TUBG1: variants seen among roughly 807,000 people sequenced by gnomAD.
TUBG1 encodes the protein tubulin gamma 1.
A neutral mutation model predicts 53.3 loss-of-function variants in TUBG1; 22 were observed. That is an observed-to-expected ratio of 0.41 (90% CI 0.29 to 0.59). The LOEUF is 0.59. TUBG1 is among the 20% of genes least tolerant of loss of function. The pLI is 0.26. For synonymous variants in TUBG1, 198 were observed against 236.7 expected (o/e 0.84, Z 1.50); for missense variants, 217 against 598.9 (o/e 0.36, Z 6.66).
Position 42,612,076 on chromosome 17 carries a change from G to T in TUBG1, c.332G>T (p.Gly111Val). Reference protein sequence around the residue: ...GNNWASGFSQGEKIHEDIFDI... With the variant: ...GNNWASGFSQVEKIHEDIFDI... Reference sequence around the variant, plus strand: ...TGACCCTCCCCTATGTCTGTACAGGGAGAAAAGATCCATGAGGACATTTTT... The same window carrying T: ...TGACCCTCCCCTATGTCTGTACAGGTAGAAAAGATCCATGAGGACATTTTT... Residue 111 changes from glycine to valine, a missense_variant and splice_region_variant, in exon 4 of 11, where the codon GGA becomes GTA. By Grantham distance (109) the Gly-to-Val change is moderately radical. Transcript: ENST00000251413. The T allele has an allele frequency of 1.9e-6, 3 of 1,614,042 alleles. No individual in the cohort carries two copies. Among genetic ancestry groups the T allele is most frequent in the Non-Finnish European group, 8.5e-7 (1 of 1,179,972 alleles).
chr17:42,610,743 C>T (rs1269261359), intron 3 of TUBG1, 153 bp downstream of exon 3: 10 of 1,078,188 alleles, frequency 9.3e-6, no homozygotes, highest in South Asian at 3.2e-5. Context: ...TTGTCAAGCG[C>T]CTACACTAGC....
chr17:42,614,753 T>C lies in TUBG1; in HGVS notation c.1159-91T>C. On this transcript the variant is annotated intron_variant, in intron 10 of 10. Coordinates refer to ENST00000251413, the MANE Select transcript of TUBG1 (RefSeq NM_001070.5). The surrounding 1 kb of genome is among the most constrained non-coding windows in gnomAD (Gnocchi z 5.1). Reference sequence around the variant, plus strand: ...CTGGCCCTGCTTCTAGCTTTTTTGCTGTGGGCATAGCCCAGCCTTGGTTCC... The same window carrying C: ...CTGGCCCTGCTTCTAGCTTTTTTGCCGTGGGCATAGCCCAGCCTTGGTTCC... 4 of 1,605,764 alleles carry C rather than the reference T, an allele frequency of 2.5e-6. No homozygotes were observed. Among genetic ancestry groups the C allele is most frequent in the Non-Finnish European group, 3.4e-6 (4 of 1,174,940 alleles).
rs1224401142 is a variant in TUBG1, at chr17:42,610,223, G to A, written c.162+3G>A. The A allele has an allele frequency of 1.2e-6, 2 of 1,614,158 alleles. No individual in the cohort carries two copies. The highest frequency in any genetic ancestry group is 1.7e-5 in the Admixed American group (1 of 60,014). On this transcript the variant is annotated splice_donor_region_variant and intron_variant, in intron 2 of 10. Transcript: ENST00000251413. ...GCAAGGACGTCTTTTTCTACCAGGT[G>A]CCCCCAGCGACTTGGCCGGGGGCGG...
chr17:42,611,980 T>C, intron 3 of TUBG1, 95 bp from the exon 4 acceptor site: 1 of 1,117,706 alleles, frequency 8.9e-7, no homozygotes, highest in South Asian at 1.3e-5. Context: ...TAAAAGGACT[T>C]CTGGGTGTTA....
At chr17:42,613,224 T>C (rs1456630730) in intron 6 of TUBG1, 151 bp downstream of exon 6, 2 of 1,297,420 alleles carry the variant, frequency 1.5e-6, no homozygotes, top group African/African-American at 1.5e-5. Flanking sequence ...CCAAGGTCGT[T>C]GGATCGTTTG....
chr17:42,612,890 G>T (rs2052047355), intron 5 of TUBG1, 57 bp from the exon 6 acceptor site: 1 of 1,603,904 alleles, frequency 6.2e-7, no homozygotes, highest in African/African-American at 1.3e-5. Flanking sequence ...GTTAGGGAGC[G>T]CCATGTTCAC....
Position 42,612,939 on chromosome 17 carries a change from C to T in TUBG1, c.480-8C>T. On this transcript the variant is annotated splice_polypyrimidine_tract_variant and splice_region_variant and intron_variant, in intron 5 of 10. Transcript: ENST00000251413. ...TGTTGCCCTGATCCTTTCCCCAACCCCCACCAGGTATCCTAAGAAGCTGGT... is the reference window on the plus strand; with the variant it reads ...TGTTGCCCTGATCCTTTCCCCAACCTCCACCAGGTATCCTAAGAAGCTGGT... The T allele has an allele frequency of 6.2e-7, 1 of 1,613,898 alleles. No homozygotes were observed.
At position 42,612,063 on chromosome 17, in the gene TUBG1, ATGTC is replaced by A; in HGVS notation, c.331-8_331-5del. The A allele has an allele frequency of 1.2e-6, 2 of 1,613,774 alleles. No homozygotes were observed. Among genetic ancestry groups the A allele is most frequent in the Non-Finnish European group, 1.7e-6 (2 of 1,179,760 alleles). Reference sequence around the variant, plus strand: ...TTCTGTCCCACTCTGACCCTCCCCTATGTCTGTACAGGGAGAAAAGATCCATGAG... The same window carrying A: ...TTCTGTCCCACTCTGACCCTCCCCTATGTACAGGGAGAAAAGATCCATGAG... On this transcript the variant is annotated splice_polypyrimidine_tract_variant and splice_region_variant and intron_variant, in intron 3 of 10. Transcript: ENST00000251413.
At chr17:42,612,316 G>A in intron 4 of TUBG1, 111 bp from the exon 5 acceptor site, 1 of 1,365,172 alleles carries the variant, frequency 7.3e-7, no homozygotes, top group South Asian at 1.2e-5. Flanking sequence ...GAGGGGACTG[G>A]ATGGGAAGCA....
rs200124196 is a variant in TUBG1, at chr17:42,614,582, G to C, written c.1083G>C (p.Ser361=). 21 of 1,614,000 alleles carry C rather than the reference G, an allele frequency of 1.3e-5. 1 individual carries two copies. In the South Asian group the frequency reaches 2.2e-4, roughly 17 times the overall value. ...CCGCCAGCATCCAGGTGGCCCTGTC[G>C]AGGAAGTCTCCCTACCTGCCCTCGG... The part of the protein sequence containing the change: ...WGPASIQVAL[S]RKSPYLPSAH... Residue 361 remains serine, a synonymous_variant, in exon 10 of 11, where the codon TCG becomes TCC. Transcript: ENST00000251413. The surrounding 1 kb of genome is among the most constrained non-coding windows in gnomAD (Gnocchi z 5.1).
At chr17:42,611,855 CA>C (rs943572230) in intron 3 of TUBG1, among the ~76,000 whole-genome samples, 1 of 149,110 alleles carries the variant, frequency 6.7e-6, no homozygotes, top group Non-Finnish European at 1.5e-5. Context: ...GACTCCATCG[CA>C]AAAAAAAATA....
rs552488026 is a variant in TUBG1, at chr17:42,614,796, G to A, written c.1159-48G>A. The A allele has an allele frequency of 7.4e-6, 12 of 1,612,986 alleles. No individual in the cohort carries two copies. The East Asian group carries it at 1.1e-4, about 15-fold the overall frequency. On this transcript the variant is annotated intron_variant, in intron 10 of 10. Transcript: ENST00000251413. The surrounding 1 kb of genome is among the most constrained non-coding windows in gnomAD (Gnocchi z 5.1). ...TTGGTTCCCCAGCTTTCTGGGCCAC[G>A]TTATTCTTTGAAGTTCTTTGTAACC...
chr17:42,610,067 C>G (rs749161774), intron 1 of TUBG1, 41 bp from the exon 2 acceptor site: 26 of 1,611,524 alleles, frequency 1.6e-5, no homozygotes, highest in Non-Finnish European at 2.2e-5. Context: ...CTGCCCGGAC[C>G]TAGATATCTT....
Position 42,614,726 on chromosome 17 carries a change from T to G in TUBG1, c.1158+69T>G. 6.2e-7 allele frequency: 1 copy of G among 1,605,502 alleles called. No individual in the cohort carries two copies. Among genetic ancestry groups the G allele is most frequent in the Non-Finnish European group, 8.5e-7 (1 of 1,174,672 alleles). ...TGACTATACCTCACCTCTCTGCATC[T>G]GCTGGCCCTGCTTCTAGCTTTTTTG... On this transcript the variant is annotated intron_variant, in intron 10 of 10. Transcript: ENST00000251413. This position sits in a 1 kb window ranked among gnomAD's most constrained non-coding sequence, Gnocchi z 5.1.
chr17:42,611,733 A>G (rs969250943), intron 3 of TUBG1, among the ~76,000 whole-genome samples: 3 of 152,212 alleles, frequency 2.0e-5, no homozygotes, highest in African/African-American at 7.2e-5. Context: ...GCATGCGCCT[A>G]TAATCCCAGC....
At chr17:42,609,928 C>T in intron 1 of TUBG1, 142 bp downstream of exon 1, 2 of 1,369,692 alleles carry the variant, frequency 1.5e-6, no homozygotes, top group South Asian at 1.4e-5. Context: ...GTCCACTTGC[C>T]CAACCCCGAG....
At chr17:42,613,592 A>C in intron 6 of TUBG1, 55 bp from the exon 7 acceptor site, 18 of 1,599,960 alleles carry the variant, frequency 1.1e-5, no homozygotes, top group Non-Finnish European at 1.4e-5. Context: ...AGGGTCAGGC[A>C]GAGCTCCTGT....
chr17:42,609,977 C>T (rs1369649270), intron 1 of TUBG1, 131 bp from the exon 2 acceptor site: 1 of 1,334,688 alleles, frequency 7.5e-7, no homozygotes, highest in African/African-American at 1.5e-5. Context: ...ACAGTCCTTT[C>T]CTCAGACACG....
chr17:42,613,968 C>G lies in TUBG1; in HGVS notation c.813C>G (p.Thr271=), dbSNP rs147337786. 6.2e-7 allele frequency: 1 copy of G among 1,614,186 alleles called. No homozygotes were observed. The highest frequency in any genetic ancestry group is 8.5e-7 in the Non-Finnish European group (1 of 1,180,036). The change falls in exon 8 of 11, where the codon ACC becomes ACG. Residue 271 remains threonine (T), a synonymous_variant. Coordinates refer to ENST00000251413, the MANE Select transcript of TUBG1 (RefSeq NM_001070.5). The part of the protein sequence containing the change: ...IPTPRLHFLM[T]GYTPLTTDQS... ...CCCCACGGCTCCACTTCCTCATGAC[C>G]GGCTACACCCCTCTCACTACGGACC...
Sources: gnomAD v4.1 joint callset for allele counts (sites outside exome capture counted in the v4.1 genomes callset) on GRCh38, gnomAD v4.1.1 for gene constraint, Gnocchi (gnomAD v3.1) non-coding constraint, MANE v1.5 for transcripts, NCBI Gene and HGNC (gene_info 2026-07-23, HGNC 2026-07-21) for gene names.